The following ZBTB7C variants were observed in gnomAD, a reference collection of about 807,000 sequenced individuals.
The protein encoded by ZBTB7C is zinc finger and BTB domain-containing protein 7C.
Under a neutral mutation model 25.7 loss-of-function variants are expected in ZBTB7C, and 8 were observed. The observed-to-expected ratio is 0.31, with a 90% CI of 0.18 to 0.56. The LOEUF (loss-of-function observed/expected upper bound fraction) is 0.56. Among genes scored for constraint, ZBTB7C ranks in the 20% least tolerant of loss-of-function variants. The pLI, the probability that ZBTB7C is intolerant of heterozygous loss-of-function variation, is 0.91. For synonymous variants in ZBTB7C, 394 were observed against 369.0 expected, an observed-to-expected ratio of 1.07 and a Z score of -0.78; for missense variants, 824 against 855.2, an observed-to-expected ratio of 0.96 and a Z score of 0.46.
At chr18:48,373,474 G>C (rs2047436855) in intron 1 of ZBTB7C, among the ~76,000 whole-genome samples, 1 of 151,794 alleles carries the variant, frequency 6.6e-6, no homozygotes, top group African/African-American at 2.4e-5. Context: ...AGAGTTTAGA[G>C]AGGCCAGGGC....
At chr18:48,381,481 T>C (rs1227461103) in intron 1 of ZBTB7C, among the ~76,000 whole-genome samples, 1 of 152,168 alleles carries the variant, frequency 6.6e-6, no homozygotes, top group Non-Finnish European at 1.5e-5. Flanking sequence ...TAATCAACTC[T>C]AGGGAAAACA....
chr18:48,100,293 C>T (rs2038785439), intron 3 of ZBTB7C, among the ~76,000 whole-genome samples: 1 of 152,240 alleles, frequency 6.6e-6, no homozygotes, highest in African/African-American at 2.4e-5. Context: ...GATTCACAGA[C>T]TTGCCTGTGA....
chr18:48,248,685 A>T (rs1458831280), intron 2 of ZBTB7C, among the ~76,000 whole-genome samples: 2 of 152,218 alleles, frequency 1.3e-5, no homozygotes, highest in African/African-American at 2.4e-5. Flanking sequence ...CTAGAAGAAT[A>T]TCCGGCCCAC....
At chr18:48,193,434 T>C (rs1251764932) in intron 2 of ZBTB7C, among the ~76,000 whole-genome samples, 1 of 152,148 alleles carries the variant, frequency 6.6e-6, no homozygotes, top group East Asian at 1.9e-4. Flanking sequence ...AGGTATTGAA[T>C]TAAATAGTAA....
intron 2 of ZBTB7C, among the ~76,000 whole-genome samples, chr18:48,222,360 C>T (rs374608698): frequency 1.7e-4 from 26 of 152,340 alleles, no homozygotes; most frequent in African/African-American, 5.5e-4. Flanking sequence ...AGCCAACACA[C>T]ATGACATGTG....
chr18:48,030,480 G>A (rs2035695580), intron 4 of ZBTB7C, among the ~76,000 whole-genome samples: 1 of 152,192 alleles, frequency 6.6e-6, no homozygotes, highest in Non-Finnish European at 1.5e-5. Flanking sequence ...CCTGCATGGT[G>A]GTTTCTTATC....
intron 2 of ZBTB7C, among the ~76,000 whole-genome samples, chr18:48,187,842 A>AAAAG (rs11426735): frequency 6.7e-6 from 1 of 149,552 alleles, no homozygotes; most frequent in African/African-American, 2.5e-5. Flanking sequence ...AAAAAAAAAA[A>AAAAG]GACAGGAAGT....
At chr18:48,279,946 T>C (rs945038006) in intron 2 of ZBTB7C, among the ~76,000 whole-genome samples, 2 of 152,198 alleles carry the variant, frequency 1.3e-5, no homozygotes, top group African/African-American at 4.8e-5. Context: ...AAGGGGTTGG[T>C]AGGGAGAGGA....
chr18:48,128,406 A>G (rs183989709), intron 3 of ZBTB7C, among the ~76,000 whole-genome samples: 80 of 152,370 alleles, frequency 5.3e-4, no homozygotes, highest in African/African-American at 1.9e-3. Flanking sequence ...TCCCATCATT[A>G]GAAATGTCTG....
intron 1 of ZBTB7C, among the ~76,000 whole-genome samples, chr18:48,385,587 C>T (rs955153660): frequency 2.0e-5 from 3 of 152,204 alleles, no homozygotes; most frequent in African/African-American, 7.2e-5. Flanking sequence ...GCAAACATGC[C>T]CTGCACAAAG....
chr18:48,186,667 A>T (rs6507823), intron 2 of ZBTB7C, among the ~76,000 whole-genome samples: 124,892 of 152,122 alleles, frequency 0.82, 51,647 homozygotes, highest in African/African-American at 0.92. Context: ...ATCACTGTAA[A>T]GTGTTGCAAT....
intron 3 of ZBTB7C, among the ~76,000 whole-genome samples, chr18:48,053,522 C>T (rs1043108511): frequency 2.0e-5 from 3 of 152,112 alleles, no homozygotes; most frequent in Non-Finnish European, 2.9e-5. Context: ...TTTATATTTG[C>T]ATTTATATTT....
At chr18:48,322,813 T>G (rs1022809919) in intron 2 of ZBTB7C, among the ~76,000 whole-genome samples, 2 of 152,130 alleles carry the variant, frequency 1.3e-5, no homozygotes, top group African/African-American at 4.8e-5. Flanking sequence ...AGTCAATCAA[T>G]GAGTGGATAA....
chr18:48,153,900 G>A (rs1021303300), intron 3 of ZBTB7C, among the ~76,000 whole-genome samples: 3 of 152,218 alleles, frequency 2.0e-5, no homozygotes, highest in African/African-American at 7.2e-5. Flanking sequence ...ACTTGGTTCT[G>A]GAAGCCCCAG....
At chr18:48,092,243 T>C (rs1288730715) in intron 3 of ZBTB7C, among the ~76,000 whole-genome samples, 2 of 152,202 alleles carry the variant, frequency 1.3e-5, no homozygotes, top group Non-Finnish European at 2.9e-5. Flanking sequence ...GCAAATGTAA[T>C]GAACTTAACA....
intron 2 of ZBTB7C, among the ~76,000 whole-genome samples, chr18:48,283,983 C>T (rs1340141845): frequency 6.6e-6 from 1 of 151,958 alleles, no homozygotes; most frequent in Non-Finnish European, 1.5e-5. Context: ...CCCATCTCTA[C>T]TAAAAATACA....
intron 3 of ZBTB7C, among the ~76,000 whole-genome samples, chr18:48,127,665 G>A (rs2039849707): frequency 6.6e-6 from 1 of 152,190 alleles, no homozygotes. Flanking sequence ...AGGCTCACTC[G>A]ACCTTTCATC....
chr18:48,158,619 C>T (rs772452971), intron 3 of ZBTB7C, among the ~76,000 whole-genome samples: 50 of 152,094 alleles, frequency 3.3e-4, no homozygotes, highest in Admixed American at 7.2e-4. Flanking sequence ...GAATGGCTCT[C>T]GGGTGGGCCT....
intron 1 of ZBTB7C, among the ~76,000 whole-genome samples, chr18:48,352,119 A>G (rs1375596565): frequency 6.6e-6 from 1 of 152,176 alleles, no homozygotes; most frequent in African/African-American, 2.4e-5. Context: ...TTCCTAGAGC[A>G]CTTGTACTTT....
Sources: gnomAD v4.1 joint callset for allele counts (sites outside exome capture counted in the v4.1 genomes callset) on GRCh38, gnomAD v4.1.1 for gene constraint, MANE v1.5 for transcripts, NCBI Gene and HGNC (gene_info 2026-07-23, HGNC 2026-07-21) for gene names.